ATP8A2: variants seen among roughly 807,000 people sequenced by gnomAD.
The protein encoded by ATP8A2 is ATPase phospholipid transporting 8A2, also known as phospholipid-transporting ATPase IB.
Under a neutral mutation model 165.6 loss-of-function variants are expected in ATP8A2, and 100 were observed. That is an observed-to-expected ratio of 0.60 (90% CI 0.51 to 0.71). The LOEUF (loss-of-function observed/expected upper bound fraction) is 0.71. ATP8A2 is among the 30% of genes least tolerant of loss of function. ATP8A2 has a pLI of 0.00. For synonymous variants in ATP8A2, 543 were observed against 548.8 expected, an observed-to-expected ratio of 0.99 and a Z score of 0.15; for missense variants, 1,227 against 1,479.5, an observed-to-expected ratio of 0.83 and a Z score of 2.80.
At chr13:25,902,662 T>C (rs1359471992) in intron 33 of ATP8A2, among the ~76,000 whole-genome samples, 2 of 151,904 alleles carry the variant, frequency 1.3e-5, no homozygotes, top group African/African-American at 4.8e-5. Flanking sequence ...TTTTGCACCA[T>C]GCTGCAAAAC....
chr13:25,887,965 A>C (rs776689486), intron 33 of ATP8A2, among the ~76,000 whole-genome samples: 1 of 152,042 alleles, frequency 6.6e-6, no homozygotes, highest in Non-Finnish European at 1.5e-5. Flanking sequence ...ATTTCAACAC[A>C]CTAACATGGA....
intron 24 of ATP8A2, among the ~76,000 whole-genome samples, chr13:25,633,244 C>G (rs994548609): frequency 3.3e-5 from 5 of 152,136 alleles, no homozygotes; most frequent in African/African-American, 1.2e-4. Flanking sequence ...ACCTCCCTTT[C>G]AGAATGGCAT....
chr13:25,471,539 C>T (rs796626996), intron 2 of ATP8A2, among the ~76,000 whole-genome samples: 4 of 152,160 alleles, frequency 2.6e-5, no homozygotes, highest in African/African-American at 7.2e-5. Flanking sequence ...GACGGGGCTT[C>T]GCCATGTTGG....
intron 25 of ATP8A2, among the ~76,000 whole-genome samples, chr13:25,737,160 T>C (rs960761289): frequency 6.6e-6 from 1 of 152,124 alleles, no homozygotes; most frequent in Admixed American, 6.5e-5. Flanking sequence ...CATTCAGAGA[T>C]CATAACTCTG....
chr13:26,009,023 C>T (rs1029029549), intron 35 of ATP8A2, among the ~76,000 whole-genome samples: 1 of 152,136 alleles, frequency 6.6e-6, no homozygotes, highest in Non-Finnish European at 1.5e-5. Context: ...ATTACCCATA[C>T]ATATCTATGA....
At chr13:25,514,436 G>A (rs1476670068) in intron 2 of ATP8A2, among the ~76,000 whole-genome samples, 2 of 152,130 alleles carry the variant, frequency 1.3e-5, no homozygotes, top group Non-Finnish European at 1.5e-5. Context: ...AGTGTAGCAG[G>A]ATGATGGGGT....
At chr13:25,531,220 ATATATGT>A (rs1354262074) in intron 4 of ATP8A2, among the ~76,000 whole-genome samples, 1 of 111,258 alleles carries the variant, frequency 9.0e-6, no homozygotes, top group Non-Finnish European at 1.8e-5. Context: ...GTTATATATG[ATATATGT>A]TATATATGAT....
intron 30 of ATP8A2, among the ~76,000 whole-genome samples, chr13:25,840,275 C>T (rs1951722139): frequency 6.6e-6 from 1 of 152,084 alleles, no homozygotes; most frequent in South Asian, 2.1e-4. Flanking sequence ...GAGAATGCTA[C>T]TCTTTCATCC....
At chr13:25,919,777 T>C (rs1239052068) in intron 33 of ATP8A2, among the ~76,000 whole-genome samples, 1 of 152,120 alleles carries the variant, frequency 6.6e-6, no homozygotes, top group Non-Finnish European at 1.5e-5. Context: ...TTTTGGGAGA[T>C]TTTCTTGAGA....
At chr13:25,642,300 A>G (rs867539888) in intron 24 of ATP8A2, among the ~76,000 whole-genome samples, 1 of 152,200 alleles carries the variant, frequency 6.6e-6, no homozygotes, top group Non-Finnish European at 1.5e-5. Context: ...AACTACCATC[A>G]GAGTGAACAG....
intron 27 of ATP8A2, among the ~76,000 whole-genome samples, chr13:25,779,852 A>G (rs1213890032): frequency 6.6e-6 from 1 of 152,228 alleles, no homozygotes; most frequent in Non-Finnish European, 1.5e-5. Context: ...AAGGATTCCT[A>G]TAAATTTTTG....
intron 10 of ATP8A2, among the ~76,000 whole-genome samples, chr13:25,551,067 A>C (rs1486045937): frequency 6.6e-6 from 1 of 152,226 alleles, no homozygotes; most frequent in Non-Finnish European, 1.5e-5. Context: ...TGACAATTAT[A>C]TGCTAAGATA....
intron 3 of ATP8A2, 89 bp from the exon 4 acceptor site, chr13:25,530,473 T>C: frequency 1.3e-6 from 1 of 745,586 alleles, no homozygotes; most frequent in Non-Finnish European, 2.3e-6. Flanking sequence ...ACTGCAAAAG[T>C]GTGAAACGTA....
intron 1 of ATP8A2, among the ~76,000 whole-genome samples, chr13:25,408,280 C>G (rs1266820791): frequency 6.6e-6 from 1 of 151,928 alleles, no homozygotes; most frequent in African/African-American, 2.4e-5. Context: ...GTAGTCCTAG[C>G]TACTTGGGAG....
intron 1 of ATP8A2, among the ~76,000 whole-genome samples, chr13:25,438,685 G>C (rs1386445518): frequency 6.6e-6 from 1 of 151,968 alleles, no homozygotes; most frequent in Admixed American, 6.6e-5. Context: ...AAGAAGAAAA[G>C]AAAAGAGAAA....
chr13:25,472,577 CTATTCAAAGGAATATTTTTATAAAA>C, intron 2 of ATP8A2, among the ~76,000 whole-genome samples: 1 of 152,020 alleles, frequency 6.6e-6, no homozygotes, highest in Non-Finnish European at 1.5e-5. Flanking sequence ...GTTAATGAAG[CTATTCAAAGGAATATTTTTATAAAA>C]GGATAAATAA....
chr13:25,395,253 C>G (rs1172239291), intron 1 of ATP8A2, among the ~76,000 whole-genome samples: 1 of 152,092 alleles, frequency 6.6e-6, no homozygotes, highest in African/African-American at 2.4e-5. Flanking sequence ...GCTGGTCCAT[C>G]TGCAATGTGT....
intron 28 of ATP8A2, among the ~76,000 whole-genome samples, chr13:25,833,646 A>T (rs1951532743): frequency 6.6e-6 from 1 of 152,150 alleles, no homozygotes; most frequent in Admixed American, 6.5e-5. Context: ...TTGGCTCTTT[A>T]TCTGGAATAA....
At chr13:25,726,222 G>T (rs182007955) in intron 25 of ATP8A2, among the ~76,000 whole-genome samples, 1 of 152,206 alleles carries the variant, frequency 6.6e-6, no homozygotes, top group Non-Finnish European at 1.5e-5. Flanking sequence ...GGGTACCCTT[G>T]CTGAGAAGGT....
Sources: allele counts gnomAD v4.1 joint callset (sites outside exome capture counted in the v4.1 genomes callset), GRCh38; gene constraint gnomAD v4.1.1; transcripts MANE v1.5; gene names NCBI Gene and HGNC (gene_info 2026-07-23, HGNC 2026-07-21).